Variants in IL1RAPL2 observed in about 807,000 individuals in gnomAD.
IL1RAPL2 encodes the protein X-linked interleukin-1 receptor accessory protein-like 2.
IL1RAPL2 carries 3 observed loss-of-function variants against 44.1 expected under a neutral mutation model. That is an observed-to-expected ratio of 0.07 (90% confidence interval 0.03 to 0.18). The LOEUF is 0.18. Among genes scored for constraint, IL1RAPL2 ranks in the 10% least tolerant of loss-of-function variants. The pLI, the probability that IL1RAPL2 is intolerant of heterozygous loss-of-function variation, is 1.00. For synonymous variants in IL1RAPL2, 181 were observed against 178.8 expected (o/e 1.01, Z -0.10); for missense variants, 391 against 496.4 (o/e 0.79, Z 2.02).
intron 2 of IL1RAPL2, among the ~76,000 whole-genome samples, chrX:104,835,448 A>G (rs1288786598): frequency 9.0e-6 from 1 of 111,581 alleles, no homozygotes; most frequent in East Asian, 2.8e-4. Flanking sequence ...CTATGTGGCC[A>G]AGTTTATGTC....
intron 4 of IL1RAPL2, among the ~76,000 whole-genome samples, chrX:105,247,851 G>A (rs2034235104): frequency 9.1e-6 from 1 of 109,343 alleles, no homozygotes; most frequent in South Asian, 3.9e-4. Context: ...ATGTGTATGT[G>A]TGCATACATA....
At chrX:105,745,108 T>C (rs929514574) in intron 8 of IL1RAPL2, among the ~76,000 whole-genome samples, 1 of 111,384 alleles carries the variant, frequency 9.0e-6, no homozygotes, top group Non-Finnish European at 1.9e-5. Context: ...CAGATTCATG[T>C]CTGGTAGGGG....
At chrX:105,058,231 G>A (rs1320209261) in intron 2 of IL1RAPL2, among the ~76,000 whole-genome samples, 3 of 110,666 alleles carry the variant, frequency 2.7e-5, no homozygotes, top group Non-Finnish European at 5.7e-5. Flanking sequence ...GATTACAGGC[G>A]TGACTCACCG....
intron 2 of IL1RAPL2, among the ~76,000 whole-genome samples, chrX:104,980,594 C>T (rs941788384): frequency 2.7e-5 from 3 of 112,238 alleles, no homozygotes; most frequent in East Asian, 5.6e-4. Context: ...CCCATTTTTG[C>T]CTTTTAAAAT....
intron 1 of IL1RAPL2, among the ~76,000 whole-genome samples, chrX:104,606,354 G>A (rs1929011545): frequency 9.0e-6 from 1 of 111,603 alleles, no homozygotes; most frequent in African/African-American, 3.3e-5. Context: ...CAAACCCACA[G>A]CCAATACCAT....
At chrX:105,086,653 G>A (rs536934393) in intron 2 of IL1RAPL2, among the ~76,000 whole-genome samples, 1 of 109,979 alleles carries the variant, frequency 9.1e-6, no homozygotes, top group East Asian at 2.8e-4. Context: ...AAGTATTTGA[G>A]GTTATGGCTA....
intron 2 of IL1RAPL2, among the ~76,000 whole-genome samples, chrX:104,688,500 C>T (rs1003608346): frequency 9.0e-6 from 1 of 111,466 alleles, no homozygotes; most frequent in African/African-American, 3.3e-5. Context: ...TCCTACACCC[C>T]CAACGCTTAA....
At chrX:105,579,686 G>T (rs1480650264) in intron 6 of IL1RAPL2, among the ~76,000 whole-genome samples, 1 of 111,159 alleles carries the variant, frequency 9.0e-6, no homozygotes, top group African/African-American at 3.3e-5. Flanking sequence ...AATAGATAAA[G>T]AACTAAGGCC....
chrX:104,599,432 G>A (rs1237549738), intron 1 of IL1RAPL2, among the ~76,000 whole-genome samples: 3 of 108,240 alleles, frequency 2.8e-5, no homozygotes, highest in African/African-American at 1.0e-4. Context: ...TTTTTTTGTA[G>A]AGACAAGGTC....
In IL1RAPL2 at chrX:104,820,272, C is replaced by T. The variant is rs1248210590; in HGVS notation, c.82+161277C>T. On this transcript the variant is annotated intron_variant, in intron 2 of 10. Coordinates refer to ENST00000372582, the MANE Select transcript of IL1RAPL2 (RefSeq NM_017416.2). ...ATCCGTTGTTATTGGTATCATGTAT[C>T]TGCTCTCCTGAGTACTGAGCCCAGC... 2.7e-5 allele frequency among the ~76,000 whole-genome samples: 3 copies of T among 111,698 alleles called. No homozygotes were observed. The East Asian group carries it at 8.5e-4, about 32-fold the overall frequency.
intron 2 of IL1RAPL2, among the ~76,000 whole-genome samples, chrX:104,837,854 G>C (rs1294195761): frequency 2.7e-5 from 3 of 111,889 alleles, no homozygotes; most frequent in African/African-American, 9.8e-5. Flanking sequence ...GGTTTTTATG[G>C]TTTTGGGTTT....
intron 5 of IL1RAPL2, among the ~76,000 whole-genome samples, chrX:105,272,467 A>G (rs1226047343): frequency 8.9e-6 from 1 of 111,987 alleles, no homozygotes. Flanking sequence ...AGAAGAAACC[A>G]CTAACCTGTT....
chrX:104,908,976 T>C (rs1171452543), intron 2 of IL1RAPL2, among the ~76,000 whole-genome samples: 1 of 110,722 alleles, frequency 9.0e-6, no homozygotes, highest in African/African-American at 3.3e-5. Flanking sequence ...CACTTTCAGG[T>C]ACACCAATCA....
At chrX:104,785,487 G>C (rs1443415641) in intron 2 of IL1RAPL2, among the ~76,000 whole-genome samples, 1 of 111,652 alleles carries the variant, frequency 9.0e-6, no homozygotes, top group African/African-American at 3.3e-5. Context: ...CTCTGGTGTG[G>C]GAAGGTTATT....
At chrX:104,774,632 G>A (rs990805339) in intron 2 of IL1RAPL2, among the ~76,000 whole-genome samples, 4 of 112,077 alleles carry the variant, frequency 3.6e-5, no homozygotes, top group African/African-American at 1.3e-4. Context: ...ATATACCAGA[G>A]ACGTGATCTC....
chrX:104,831,898 T>C (rs1431882714), intron 2 of IL1RAPL2, among the ~76,000 whole-genome samples: 1 of 112,254 alleles, frequency 8.9e-6, no homozygotes. Flanking sequence ...CTCTTCTTAC[T>C]ATTCTGCTTA....
intron 2 of IL1RAPL2, among the ~76,000 whole-genome samples, chrX:105,112,071 T>C (rs1287644715): frequency 8.9e-6 from 1 of 111,927 alleles, no homozygotes; most frequent in African/African-American, 3.3e-5. Context: ...AATGTAAATG[T>C]TTAAATTTTA....
At chrX:105,410,349 G>A (rs2035686134) in intron 5 of IL1RAPL2, among the ~76,000 whole-genome samples, 2 of 110,027 alleles carry the variant, frequency 1.8e-5, no homozygotes, top group Admixed American at 1.9e-4. Context: ...GAGACTATAG[G>A]AGGAGGCAAC....
intron 2 of IL1RAPL2, among the ~76,000 whole-genome samples, chrX:105,082,166 C>G (rs974872308): frequency 2.7e-5 from 3 of 111,439 alleles, no homozygotes; most frequent in South Asian, 3.8e-4. Flanking sequence ...TGTTATTGCT[C>G]TACTCGGAGA....
Sources: allele counts gnomAD v4.1 joint callset (sites outside exome capture counted in the v4.1 genomes callset), GRCh38; gene constraint gnomAD v4.1.1; transcripts MANE v1.5; gene names NCBI Gene and HGNC (gene_info 2026-07-23, HGNC 2026-07-21).